The following WDR72 variants were observed in gnomAD, a reference collection of about 807,000 sequenced individuals.
WDR72 encodes the protein WD repeat domain 72.
Under a neutral mutation model 124.2 loss-of-function variants are expected in WDR72, and 120 were observed. The observed-to-expected ratio is 0.97, with a 90% CI of 0.83 to 1.12. The LOEUF is 1.12. WDR72 is among the 50% of genes most tolerant of loss of function. The pLI is 0.00. For missense variants in WDR72, 1,387 were observed against 1,278.8 expected (o/e 1.08, Z -1.29); for synonymous variants, 452 against 441.7 (o/e 1.02, Z -0.29).
intron 14 of WDR72, among the ~76,000 whole-genome samples, chr15:53,619,117 TC>T (rs1417177260): frequency 6.6e-6 from 1 of 152,054 alleles, no homozygotes; most frequent in Non-Finnish European, 1.5e-5. Flanking sequence ...GACAGCTATT[TC>T]TTACTCATAT....
chr15:53,609,369 T>G, intron 17 of WDR72, 144 bp downstream of exon 17: 1 of 725,248 alleles, frequency 1.4e-6, no homozygotes. Flanking sequence ...ATGGTCCGTG[T>G]TTTCCCTCAT....
At chr15:53,706,920 G>T (rs2017396642) in intron 9 of WDR72, among the ~76,000 whole-genome samples, 2 of 151,848 alleles carry the variant, frequency 1.3e-5, no homozygotes, top group African/African-American at 4.8e-5. Context: ...TGAATATTGG[G>T]CACCAGCGTT....
intron 18 of WDR72, among the ~76,000 whole-genome samples, chr15:53,538,051 A>C (rs1715812942): frequency 6.6e-6 from 1 of 152,180 alleles, no homozygotes; most frequent in Non-Finnish European, 1.5e-5. Flanking sequence ...AATGCTGACC[A>C]GATAACATAG....
intron 1 of WDR72, among the ~76,000 whole-genome samples, chr15:53,757,480 A>T (rs1567067095): frequency 6.6e-6 from 1 of 151,884 alleles, no homozygotes; most frequent in Non-Finnish European, 1.5e-5. Flanking sequence ...AAAATTAGCC[A>T]GGCATGGTGG....
intron 13 of WDR72, chr15:53,684,601 A>C (rs955347298): frequency 6.3e-6 from 1 of 157,616 alleles, no homozygotes; most frequent in African/African-American, 2.4e-5. Context: ...GCAGTCTGAG[A>C]TCAAACTGCA....
chr15:53,558,045 G>A (rs1224215704), intron 18 of WDR72, among the ~76,000 whole-genome samples: 1 of 151,980 alleles, frequency 6.6e-6, no homozygotes, highest in East Asian at 1.9e-4. Context: ...ATCTGGAGCA[G>A]TGGGTTCCCT....
intron 14 of WDR72, among the ~76,000 whole-genome samples, chr15:53,643,538 G>T (rs2014930357): frequency 1.3e-5 from 2 of 152,072 alleles, no homozygotes; most frequent in African/African-American, 4.8e-5. Context: ...ATGGGAGCTG[G>T]CTTGAGACAT....
chr15:53,519,402 G>A (rs908371240), intron 19 of WDR72, among the ~76,000 whole-genome samples: 41 of 152,154 alleles, frequency 2.7e-4, no homozygotes, highest in Admixed American at 1.9e-3. Context: ...TCAAAAGAGG[G>A]AGCTGAAAGT....
At chr15:53,730,934 T>A (rs1417344473) in intron 2 of WDR72, among the ~76,000 whole-genome samples, 1 of 150,556 alleles carries the variant, frequency 6.6e-6, no homozygotes, top group Non-Finnish European at 1.5e-5. Context: ...TAATAGTTGA[T>A]TAGTTGCAAT....
At chr15:53,743,890 G>A (rs1325649248) in intron 1 of WDR72, among the ~76,000 whole-genome samples, 3 of 151,962 alleles carry the variant, frequency 2.0e-5, no homozygotes, top group Non-Finnish European at 4.4e-5. Context: ...CAGGAGAATG[G>A]CGTGAACCCG....
chr15:53,761,553 T>C (rs2019064068), upstream of WDR72, among the ~76,000 whole-genome samples: 1 of 152,198 alleles, frequency 6.6e-6, no homozygotes, highest in South Asian at 2.1e-4. Context: ...TGCATAGGCA[T>C]GGTGGCTCAT....
intron 1 of WDR72, among the ~76,000 whole-genome samples, chr15:53,742,816 A>G (rs2018544446): frequency 6.6e-6 from 1 of 152,208 alleles, no homozygotes; most frequent in African/African-American, 2.4e-5. Context: ...AATAGTAAAT[A>G]AATGTACTTA....
At position 53,705,178 on chromosome 15, in the gene WDR72, A is replaced by G; in HGVS notation, c.1158T>C (p.Thr386=). 1 of 1,614,090 alleles carries G rather than the reference A, an allele frequency of 6.2e-7. No homozygotes were observed. The highest frequency in any genetic ancestry group is 1.1e-5 in the South Asian group (1 of 91,084). Residue 386 remains threonine, a synonymous_variant, in exon 11 of 20, where the codon ACT becomes ACC. Transcript: ENST00000360509. ...AATAGTCAATAATACTTTGTGACAT[A>G]GTATCATGCTTATCAAAATTATCTT... ...TLQDNFDKHD[T]MSQSIIDYFS...
intron 18 of WDR72, among the ~76,000 whole-genome samples, chr15:53,563,181 A>G (rs901118446): frequency 1.3e-5 from 2 of 151,764 alleles, no homozygotes; most frequent in South Asian, 2.1e-4. Context: ...TATTGGTAAG[A>G]TGTGATTGAG....
chr15:53,749,426 A>T (rs1218556579), intron 1 of WDR72, among the ~76,000 whole-genome samples: 1 of 152,132 alleles, frequency 6.6e-6, no homozygotes, highest in Non-Finnish European at 1.5e-5. Flanking sequence ...TGGTAAATTA[A>T]GTTTTTGTTC....
intron 18 of WDR72, among the ~76,000 whole-genome samples, chr15:53,590,844 T>C (rs779781483): frequency 6.6e-6 from 1 of 152,084 alleles, no homozygotes. Context: ...ACTGTAACTA[T>C]GTTAATCATT....
intron 1 of WDR72, among the ~76,000 whole-genome samples, chr15:53,746,770 A>G (rs1354363894): frequency 6.6e-6 from 1 of 152,206 alleles, no homozygotes; most frequent in African/African-American, 2.4e-5. Context: ...GTGGAGATAA[A>G]AAGAGCTTTG....
intron 13 of WDR72, among the ~76,000 whole-genome samples, chr15:53,688,215 C>A (rs1029929088): frequency 4.7e-5 from 7 of 150,262 alleles, no homozygotes; most frequent in African/African-American, 1.5e-4. Flanking sequence ...CTGGCCAGGG[C>A]AATTAGGCAG....
At chr15:53,675,426 G>A (rs2016136263) in intron 13 of WDR72, among the ~76,000 whole-genome samples, 1 of 151,740 alleles carries the variant, frequency 6.6e-6, no homozygotes, top group Non-Finnish European at 1.5e-5. Context: ...ACCAATTTAA[G>A]AGGTAGATAT....
Sources: gnomAD v4.1 joint callset for allele counts (sites outside exome capture counted in the v4.1 genomes callset) on GRCh38, gnomAD v4.1.1 for gene constraint, MANE v1.5 for transcripts, NCBI Gene and HGNC (gene_info 2026-07-23, HGNC 2026-07-21) for gene names.